The following SLC22A14 variants were observed in gnomAD, a reference collection of about 807,000 sequenced individuals.
The protein encoded by SLC22A14 is organic cation transporter-like 4.
SLC22A14 carries 50 observed loss-of-function variants against 53.9 expected under a neutral mutation model. That is an observed-to-expected ratio of 0.93 (90% CI 0.74 to 1.17). The LOEUF is 1.17. Among genes scored for constraint, SLC22A14 ranks in the 50% most tolerant of loss-of-function variants. The pLI is 0.00. For missense variants in SLC22A14, 671 were observed against 734.7 expected, an observed-to-expected ratio of 0.91 and a Z score of 1.00; for synonymous variants, 312 against 303.0, an observed-to-expected ratio of 1.03 and a Z score of -0.31.
chr3:38,284,367 C>A (rs1019084283), intron 1 of SLC22A14, among the ~76,000 whole-genome samples: 17 of 152,186 alleles, frequency 1.1e-4, no homozygotes, highest in African/African-American at 4.1e-4. Context: ...CTGGGTCACT[C>A]CTCCAGGGCC....
chr3:38,316,625 G>A lies in SLC22A14; in HGVS notation c.1733+101G>A, dbSNP rs963518175. On this transcript the variant is annotated intron_variant, in intron 10 of 10. Transcript: ENST00000448498. Reference sequence around the variant, plus strand: ...CATTGTCCATCCCCGCCCCTCTGCCGGAGAGCCTGTGACTCGAAGGCTGCC... The same window carrying A: ...CATTGTCCATCCCCGCCCCTCTGCCAGAGAGCCTGTGACTCGAAGGCTGCC... The A allele has an allele frequency of 8.4e-5, 90 of 1,073,004 alleles. 1 individual carries two copies. The highest frequency in any genetic ancestry group is 2.3e-4 in the Admixed American group (10 of 44,414). 66.5% of individuals were successfully genotyped at this position (1,073,004 alleles called of 1,614,324 possible).
intron 1 of SLC22A14, among the ~76,000 whole-genome samples, chr3:38,290,481 A>G (rs1356394296): frequency 2.0e-5 from 3 of 152,198 alleles, no homozygotes; most frequent in Admixed American, 6.5e-5. Flanking sequence ...ATTGAAATGT[A>G]TGGCCTGCAG....
chr3:38,315,683 A>G lies in SLC22A14; in HGVS notation c.1504A>G (p.Thr502Ala), dbSNP rs925228377. Residue 502 changes from threonine (T) to alanine (A), a missense_variant, in exon 9 of 11, where the codon ACC (threonine) becomes GCC (alanine). Physicochemically the swap from Thr to Ala is moderately conservative, Grantham distance 58. Coordinates refer to ENST00000448498, the MANE Select transcript of SLC22A14 (RefSeq NM_001320033.2). ...AATVTVFFLY[T>A]AELLPTVLRA... The stretch of plus-strand genomic sequence containing the variant: ...CACTGTCACTGTGTTCTTCCTCTAC[A>G]CCGCTGAGCTCCTCCCCACTGTGCT... The G allele has an allele frequency of 6.2e-7, 1 of 1,613,594 alleles. No individual in the cohort carries two copies. The highest frequency in any genetic ancestry group is 1.3e-5 in the African/African-American group (1 of 74,824).
chr3:38,279,706 A>G (rs1222130201), upstream of SLC22A14, among the ~76,000 whole-genome samples: 1 of 151,674 alleles, frequency 6.6e-6, no homozygotes, highest in East Asian at 1.9e-4. Context: ...AGTGTCCTTT[A>G]GCAGTCACTG....
At position 38,314,022 on chromosome 3, in the gene SLC22A14, C is replaced by T. The variant is rs560388288; in HGVS notation, c.1378+81C>T. ...CCTCCCCAGTGCCGCCTGCCACGGC[C>T]GGCCACCTAGACACCCTGGGAATCA... On this transcript the variant is annotated intron_variant, in intron 8 of 10. Transcript: ENST00000448498. 318 of 1,188,184 alleles carry T rather than the reference C, an allele frequency of 2.7e-4. 1 individual carries two copies. The highest frequency in any genetic ancestry group is 4.0e-4 in the African/African-American group (27 of 67,182). 73.6% of individuals were successfully genotyped at this position (1,188,184 alleles called of 1,614,324 possible).
chr3:38,313,685 TGCGC>T (rs1553644857), intron 7 of SLC22A14, 38 bp from the exon 8 acceptor site: 18 of 901,864 alleles, frequency 2.0e-5, no homozygotes, highest in African/African-American at 8.1e-5. Context: ...TCCGTGTGTG[TGCGC>T]GCGTGTGCAC....
intron 1 of SLC22A14, among the ~76,000 whole-genome samples, chr3:38,291,336 G>T (rs1434053082): frequency 6.6e-6 from 1 of 152,208 alleles, no homozygotes; most frequent in Non-Finnish European, 1.5e-5. Context: ...TGACAGTTAA[G>T]TTCTATCTTT....
chr3:38,294,943 T>C (rs1703994558), intron 1 of SLC22A14, among the ~76,000 whole-genome samples: 1 of 152,198 alleles, frequency 6.6e-6, no homozygotes, highest in Non-Finnish European at 1.5e-5. Context: ...AGGTAACTTT[T>C]TGAGTCAGGA....
At chr3:38,308,722 G>A (rs75774765) in intron 4 of SLC22A14, among the ~76,000 whole-genome samples, 6,531 of 152,300 alleles carry the variant, frequency 0.043, 463 homozygotes, top group African/African-American at 0.14. Flanking sequence ...CAGGTGGAGC[G>A]GGATGGAAGC....
intron 9 of SLC22A14, 115 bp downstream of exon 9, chr3:38,315,826 A>G: frequency 9.4e-7 from 1 of 1,059,308 alleles, no homozygotes; most frequent in Non-Finnish European, 1.4e-6. Context: ...TGTGCTAAAC[A>G]GTTTACATAA....
intron 1 of SLC22A14, among the ~76,000 whole-genome samples, chr3:38,295,697 C>T (rs1440325444): frequency 1.3e-5 from 2 of 151,946 alleles, no homozygotes; most frequent in Admixed American, 6.6e-5. Flanking sequence ...TTCTTTCTCT[C>T]TTTGACTCCC....
Position 38,318,441 on chromosome 3 carries a change from T to G in SLC22A14, c.*192T>G. ...GGGGTCATGGATTCCAGGCCACAAA[T>G]TCCAGGCCTAGTTCAGTCTGGGGGC... On this transcript the variant is annotated 3_prime_UTR_variant, in exon 11 of 11. Transcript: ENST00000448498. 1.7e-6 allele frequency: 1 copy of G among 603,396 alleles called. No homozygotes were observed. Among genetic ancestry groups the G allele is most frequent in the Non-Finnish European group, 3.0e-6 (1 of 333,102 alleles). 37.4% of individuals were successfully genotyped at this position (603,396 alleles called of 1,614,324 possible).
chr3:38,306,444 A>G lies in SLC22A14; in HGVS notation c.418A>G (p.Asn140Asp). ...TCFMYLPVPW[N>D]LDSIIQFGLN... ...CTTCATGTACCTTCCTGTGCCTTGG[A>G]ATCTGGATTCTATCATCCAGTTTGG... is the stretch of plus-strand genomic sequence containing the variant. Residue 140 changes from asparagine (N) to aspartate (D), a missense_variant, in exon 2 of 11, where the codon AAT becomes GAT. By Grantham distance (23) the Asn-to-Asp change is conservative (BLOSUM62 1). Coordinates refer to ENST00000448498, the MANE Select transcript of SLC22A14 (RefSeq NM_001320033.2). 2 of 1,614,202 alleles carry G rather than the reference A, an allele frequency of 1.2e-6. No individual in the cohort carries two copies. The highest frequency in any genetic ancestry group is 1.7e-6 in the Non-Finnish European group (2 of 1,180,028).
chr3:38,304,307 G>C (rs1559549273), intron 1 of SLC22A14, among the ~76,000 whole-genome samples: 2 of 151,998 alleles, frequency 1.3e-5, no homozygotes, highest in African/African-American at 4.8e-5. Context: ...ATTTTGCTGG[G>C]TATACAATTC....
At chr3:38,286,052 G>C (rs924900599) in intron 1 of SLC22A14, among the ~76,000 whole-genome samples, 6 of 152,132 alleles carry the variant, frequency 3.9e-5, no homozygotes, top group African/African-American at 1.4e-4. Flanking sequence ...GACCAACATG[G>C]AGAAAACCCG....
intron 1 of SLC22A14, among the ~76,000 whole-genome samples, chr3:38,289,414 AT>A (rs1353743316): frequency 1.1e-4 from 17 of 152,042 alleles, no homozygotes. Context: ...ATTCGTTGTC[AT>A]GTTGTTACCC....
intron 1 of SLC22A14, among the ~76,000 whole-genome samples, chr3:38,295,809 T>C (rs541242655): frequency 4.0e-5 from 6 of 151,854 alleles, no homozygotes; most frequent in Non-Finnish European, 5.9e-5. Flanking sequence ...TCTGTCTCTC[T>C]CTCTCTCTCT....
rs758558841 is a variant in SLC22A14, at chr3:38,313,689, C to CGCGCGCGT, written c.1164-35_1164-34insCGCGTGCG. On this transcript the variant is annotated intron_variant, in intron 7 of 10. Transcript: ENST00000448498. ...TTATTCCTGGCTCCGTGTGTGTGCG[C>CGCGCGCGT]GCGTGTGCACGCGCACTTGCCTCCT... 3.6e-5 allele frequency: 29 copies of CGCGCGCGT among 809,190 alleles called. 1 individual carries two copies. Among genetic ancestry groups the CGCGCGCGT allele is most frequent in the South Asian group, 5.5e-5 (3 of 54,368 alleles). 50.1% of individuals were successfully genotyped at this position (809,190 alleles called of 1,614,324 possible).
Position 38,306,326 on chromosome 3 carries a change from C to T in SLC22A14, c.300C>T (p.Thr100=). 6.2e-7 allele frequency: 1 copy of T among 1,614,144 alleles called. No homozygotes were observed. The highest frequency in any genetic ancestry group is 1.1e-5 in the South Asian group (1 of 91,070). The part of the protein sequence containing the change: ...VFTAQKPYCN[T]SWILAVGPHL... ...CAGCCCAGAAGCCCTATTGCAATAC[C>T]AGCTGGATCCTGGCAGTGGGCCCCC... Residue 100 remains threonine, a synonymous_variant, in exon 2 of 11, where the codon ACC becomes ACT. Coordinates refer to ENST00000448498, the MANE Select transcript of SLC22A14 (RefSeq NM_001320033.2).
Sources: gnomAD v4.1 joint callset for allele counts (sites outside exome capture counted in the v4.1 genomes callset) on GRCh38, gnomAD v4.1.1 for gene constraint, MANE v1.5 for transcripts, NCBI Gene and HGNC (gene_info 2026-07-23, HGNC 2026-07-21) for gene names.